PAPLN: variants seen among roughly 807,000 people sequenced by gnomAD.
PAPLN encodes papilin, proteoglycan like sulfated glycoprotein, also known as papilin.
PAPLN carries 146 observed loss-of-function variants against 159.0 expected under a neutral mutation model. That is an observed-to-expected ratio of 0.92 (90% CI 0.80 to 1.05). The LOEUF (loss-of-function observed/expected upper bound fraction) is 1.05, where lower values mean the gene tolerates loss of function less well. Ranked by LOEUF, PAPLN falls within the 50% of genes least tolerant of loss-of-function variation. PAPLN has a pLI of 0.00. For missense variants in PAPLN, 1,720 were observed against 1,743.9 expected (o/e 0.99, Z 0.24); for synonymous variants, 734 against 702.9 (o/e 1.04, Z -0.70).
rs190443218 is a variant in PAPLN, at chr14:73,249,871, C to T, written c.335-113C>T. The stretch of plus-strand genomic sequence containing the variant: ...GGGCGGGGATCTGTGCTCTGCGGGG[C>T]CTGCTGCAGGGCTTTCTGACCCATG... On this transcript the variant is annotated intron_variant, in intron 5 of 26. Transcript: ENST00000644200. 5.5e-4 allele frequency: 686 copies of T among 1,252,488 alleles called. 4 individuals are homozygous for T. In the African/African-American group the frequency reaches 9.5e-3, roughly 17 times the overall value. 77.6% of individuals were successfully genotyped at this position (1,252,488 alleles called of 1,614,324 possible).
At chr14:73,238,083 G>T (rs923232306) in intron 1 of PAPLN, among the ~76,000 whole-genome samples, 1 of 152,214 alleles carries the variant, frequency 6.6e-6, no homozygotes, top group African/African-American at 2.4e-5. Flanking sequence ...GGGACGCGGG[G>T]TGCCTGGTCA....
At chr14:73,255,052 C>T in intron 14 of PAPLN, 34 bp downstream of exon 14, 1 of 1,591,882 alleles carries the variant, frequency 6.3e-7, no homozygotes, top group Non-Finnish European at 8.6e-7. Context: ...AGTCCGGCCT[C>T]TGACCTCTCT....
intron 1 of PAPLN, among the ~76,000 whole-genome samples, chr14:73,238,024 G>A (rs1378062782): frequency 1.3e-5 from 2 of 152,176 alleles, no homozygotes; most frequent in African/African-American, 4.8e-5. Context: ...GGCCTCCCGT[G>A]GGAACCGCGC....
intron 26 of PAPLN, among the ~76,000 whole-genome samples, chr14:73,269,340 G>A (rs922478039): frequency 6.6e-6 from 1 of 151,572 alleles, no homozygotes; most frequent in Non-Finnish European, 1.5e-5. Context: ...TTGTACCTAA[G>A]TGGAATCTTA....
intron 25 of PAPLN, 117 bp downstream of exon 25, chr14:73,266,948 C>A: frequency 9.9e-7 from 1 of 1,015,004 alleles, no homozygotes; most frequent in Non-Finnish European, 1.5e-6. Flanking sequence ...GGCTTCCAGG[C>A]CTGGTGCCAG....
At position 73,252,143 on chromosome 14, in the gene PAPLN, T is replaced by C. The variant is rs767690215; in HGVS notation, c.967+2T>C. On this transcript the variant is annotated splice_donor_variant, in intron 10 of 26. Coordinates refer to ENST00000644200, the MANE Select transcript of PAPLN (RefSeq NM_001365906.3). LOFTEE classifies it high-confidence loss of function. ...ACTGCAGCGCGGAGTGTGGCGGAGG[T>C]GCGGGCGTGGATGGCCCAGGGGAGG... The C allele has an allele frequency of 1.9e-6, 3 of 1,595,222 alleles. No individual in the cohort carries two copies. Among genetic ancestry groups the C allele is most frequent in the African/African-American group, 2.7e-5 (2 of 74,574 alleles).
chr14:73,250,240 A>T (rs1885088059), intron 6 of PAPLN, 126 bp downstream of exon 6: 1 of 1,285,042 alleles, frequency 7.8e-7, no homozygotes, highest in East Asian at 2.8e-5. Flanking sequence ...AGTTACCAGG[A>T]CACCAAGCCC....
At position 73,250,591 on chromosome 14, in the gene PAPLN, C is replaced by T. The variant is rs777581213; in HGVS notation, c.466-316C>T. On this transcript the variant is annotated intron_variant, in intron 6 of 26. Transcript: ENST00000644200. ...TAGCCACCGGGGGTTGTCTCTGATT[C>T]GTCTTGGTTTGGGACTTACCCTGAA... Among the ~76,000 whole-genome samples the T allele has an allele frequency of 7.2e-5, 11 of 152,148 alleles. No homozygotes were observed. In the East Asian group the frequency reaches 1.4e-3, roughly 19 times the overall value.
intron 5 of PAPLN, chr14:73,249,761 CT>C: frequency 3.6e-6 from 1 of 279,538 alleles, no homozygotes; most frequent in Non-Finnish European, 6.5e-6. Context: ...AAGTGTTTCA[CT>C]TTTTCCTGAT....
Position 73,253,960 on chromosome 14 carries a change from A to T in PAPLN, c.1301A>T (p.Glu434Val). 1 of 1,608,572 alleles carries T rather than the reference A, an allele frequency of 6.2e-7. No individual in the cohort carries two copies. Among genetic ancestry groups the T allele is most frequent in the Non-Finnish European group, 8.5e-7 (1 of 1,178,382 alleles). The change falls in exon 12 of 27, where the codon GAG becomes GTG. Residue 434 changes from glutamate (E) to valine (V), a missense_variant and splice_region_variant. Glu to Val is a moderately radical substitution (Grantham distance 121). Transcript: ENST00000644200. ...GCCTGGAGCCCGGAGCCCTGGGGAG[A>T]GGTCAGGCCCCTGGCCCGCATGGGG... is the stretch of plus-strand genomic sequence containing the variant. ...CAAWSPEPWG[E>V]CSVSCGVGVR... is the part of the protein sequence containing the mutation.
chr14:73,240,318 G>A (rs985493751), intron 2 of PAPLN, among the ~76,000 whole-genome samples: 1 of 152,194 alleles, frequency 6.6e-6, no homozygotes, highest in Non-Finnish European at 1.5e-5. Flanking sequence ...TGAGATGGCA[G>A]AAATGTCCTG....
At position 73,254,499 on chromosome 14, in the gene PAPLN, C is replaced by T; in HGVS notation, c.1303-14C>T. The T allele has an allele frequency of 6.2e-7, 1 of 1,612,964 alleles. No homozygotes were observed. The highest frequency in any genetic ancestry group is 8.5e-7 in the Non-Finnish European group (1 of 1,179,320). On this transcript the variant is annotated splice_polypyrimidine_tract_variant and intron_variant, in intron 12 of 26. Transcript: ENST00000644200. Reference sequence around the variant, plus strand: ...GGCAAGGCCGAGCTTCTGCTGACAGCCTTGTCCTTGCAGTGTTCTGTCAGT... The same window carrying T: ...GGCAAGGCCGAGCTTCTGCTGACAGTCTTGTCCTTGCAGTGTTCTGTCAGT...
In PAPLN at chr14:73,262,258, G is replaced by A. The variant is rs1028375663; in HGVS notation, c.2246-92G>A. On this transcript the variant is annotated intron_variant, in intron 18 of 26. Coordinates refer to ENST00000644200, the MANE Select transcript of PAPLN (RefSeq NM_001365906.3). The stretch of plus-strand genomic sequence containing the variant: ...TAGACATGCTTTATAAGTGGGGAAG[G>A]GCCTGCTTCCTGAGTCGGAGGCTGA... 4.8e-6 allele frequency: 6 copies of A among 1,259,618 alleles called. No homozygotes were observed. The African/African-American group carries it at 7.4e-5, about 16-fold the overall frequency. 78.0% of individuals were successfully genotyped at this position (1,259,618 alleles called of 1,614,324 possible). A position where few individuals can be genotyped will look rare whatever the true frequency, so the allele number is the denominator to read the frequency against.
intron 12 of PAPLN, 122 bp from the exon 13 acceptor site, chr14:73,254,391 G>A: frequency 1.6e-6 from 2 of 1,246,760 alleles, no homozygotes; most frequent in Non-Finnish European, 2.3e-6. Flanking sequence ...CTGGGCCTGG[G>A]AAGGACATGG....
chr14:73,257,002 G>T (rs1885986695), intron 14 of PAPLN, among the ~76,000 whole-genome samples: 2 of 152,162 alleles, frequency 1.3e-5, no homozygotes, highest in Admixed American at 6.5e-5. Flanking sequence ...TTGAGACAGG[G>T]TCTCTGTTGC....
intron 14 of PAPLN, among the ~76,000 whole-genome samples, chr14:73,256,718 A>G (rs912829134): frequency 2.0e-5 from 3 of 151,656 alleles, no homozygotes; most frequent in African/African-American, 7.3e-5. Flanking sequence ...CCCCTTCTCT[A>G]CTAAAAATAC....
At position 73,251,709 on chromosome 14, in the gene PAPLN, C is replaced by A. The variant is rs1885280504; in HGVS notation, c.716C>A (p.Thr239Asn). 1 of 1,613,370 alleles carries A rather than the reference C, an allele frequency of 6.2e-7. No individual in the cohort carries two copies. The highest frequency in any genetic ancestry group is 1.3e-5 in the African/African-American group (1 of 75,036). Residue 239 changes from threonine (T) to asparagine (N), a missense_variant, in exon 9 of 27, where the codon ACC (threonine) becomes AAC (asparagine). Transcript: ENST00000644200. ...GAATACTACCTCAATGGGCACTGGA[C>A]CATCGAGGCGGCCCGGGCCCTGCCA... ...RGEYYLNGHW[T>N]IEAARALPAA...
intron 5 of PAPLN, among the ~76,000 whole-genome samples, chr14:73,247,093 C>G (rs544661201): frequency 1.3e-3 from 192 of 152,232 alleles, no homozygotes; most frequent in African/African-American, 4.4e-3. Context: ...GCGTTCCTCC[C>G]GTCGCACAGA....
At position 73,252,707 on chromosome 14, in the gene PAPLN, G is replaced by A; in HGVS notation, c.1026G>A (p.Met342Ile). ...TIDHEAYPDHMCQRQPRPADR... is the reference protein window; with the variant it reads ...TIDHEAYPDHICQRQPRPADR... ...ACCATGAGGCCTACCCCGACCACAT[G>A]TGCCAGCGCCAGCCACGGCCAGCTG... The change falls in exon 11 of 27, where the codon ATG (methionine) becomes ATA (isoleucine). Residue 342 changes from methionine to isoleucine, a missense_variant. Physicochemically the swap from Met to Ile is conservative, Grantham distance 10. Transcript: ENST00000644200. 6.2e-7 allele frequency: 1 copy of A among 1,613,546 alleles called. No homozygotes were observed. Among genetic ancestry groups the A allele is most frequent in the Admixed American group, 1.7e-5 (1 of 60,026 alleles).
Sources: gnomAD v4.1 joint callset for allele counts (sites outside exome capture counted in the v4.1 genomes callset) on GRCh38, gnomAD v4.1.1 for gene constraint, MANE v1.5 for transcripts, NCBI Gene and HGNC (gene_info 2026-07-23, HGNC 2026-07-21) for gene names.